Variants in ACTN2 observed in about 807,000 individuals in gnomAD.
The protein encoded by ACTN2 is alpha-actinin-2.
ACTN2 carries 39 observed loss-of-function variants against 113.8 expected under a neutral mutation model. The ratio of observed to expected loss-of-function variants is 0.34; its 90% CI spans 0.27 to 0.45. ACTN2 has a LOEUF of 0.45. ACTN2 is among the 20% of genes least tolerant of loss of function. The probability of loss-of-function intolerance (pLI) is 1.00; values close to 1 mark genes in which losing one functional copy is unlikely to be tolerated. For synonymous variants in ACTN2, 429 were observed against 444.1 expected, an observed-to-expected ratio of 0.97 and a Z score of 0.43; for missense variants, 992 against 1,177.9, an observed-to-expected ratio of 0.84 and a Z score of 2.31.
intron 4 of ACTN2, among the ~76,000 whole-genome samples, chr1:236,721,414 C>A (rs1010289203): frequency 3.3e-5 from 5 of 152,078 alleles, no homozygotes; most frequent in African/African-American, 4.8e-5. Context: ...GCAGTACTTG[C>A]CCTTATGGAC....
intron 7 of ACTN2, chr1:236,734,544 G>T (rs1219401852): frequency 6.8e-7 from 1 of 1,472,924 alleles, no homozygotes; most frequent in Admixed American, 2.0e-5. Flanking sequence ...ATGAGTCACT[G>T]CTCACCCTTC....
chr1:236,734,336 G>C (rs1467173182), intron 7 of ACTN2: 10 of 810,630 alleles, frequency 1.2e-5, no homozygotes, highest in Non-Finnish European at 1.9e-5. Context: ...GGGGCGAAGG[G>C]GGAGGATTCC....
At chr1:236,737,297 G>GTATATATATATATATATATATAT in intron 9 of ACTN2, 83 bp downstream of exon 9, 1 of 318,472 alleles carries the variant, frequency 3.1e-6, no homozygotes, top group African/African-American at 2.8e-5. Context: ...CTCCGTGGGG[G>GTATATATATATATATATATATAT]CATATATATA....
At chr1:236,686,864 G>A in intron 1 of ACTN2, 65 bp downstream of exon 1, 2 of 1,301,158 alleles carry the variant, frequency 1.5e-6, no homozygotes, top group Non-Finnish European at 2.0e-6. Context: ...GCTCCCGTGC[G>A]CGTGGCCGCG....
chr1:236,719,048 C>T, intron 3 of ACTN2, 35 bp downstream of exon 3: 1 of 1,612,790 alleles, frequency 6.2e-7, no homozygotes, highest in South Asian at 1.1e-5. Context: ...GTCTGCCACA[C>T]TGACCTAATA....
chr1:236,753,385 A>G (rs1659458539), intron 15 of ACTN2, among the ~76,000 whole-genome samples: 1 of 152,206 alleles, frequency 6.6e-6, no homozygotes, highest in South Asian at 2.1e-4. Context: ...GGCTGAGTGT[A>G]CGTGATATTT....
At chr1:236,705,162 A>C (rs1657787815) in intron 1 of ACTN2, among the ~76,000 whole-genome samples, 1 of 152,214 alleles carries the variant, frequency 6.6e-6, no homozygotes, top group African/African-American at 2.4e-5. Context: ...GTTATGAGCC[A>C]AGAACAATGG....
chr1:236,698,098 A>G (rs372822994), intron 1 of ACTN2, among the ~76,000 whole-genome samples: 7 of 152,026 alleles, frequency 4.6e-5, no homozygotes, highest in African/African-American at 1.7e-4. Context: ...TTTCAAAGGA[A>G]GCAAAAAACT....
At chr1:236,715,268 T>G (rs1175101829) in intron 1 of ACTN2, among the ~76,000 whole-genome samples, 1 of 151,346 alleles carries the variant, frequency 6.6e-6, no homozygotes, top group Non-Finnish European at 1.5e-5. Flanking sequence ...TAACTCGTCA[T>G]TTAACATTAG....
chr1:236,764,409 G>A lies in ACTN2; in HGVS notation c.*1790G>A, dbSNP rs1478078605. On this transcript the variant is annotated 3_prime_UTR_variant, in exon 21 of 21. Coordinates refer to ENST00000366578, the MANE Select transcript of ACTN2 (RefSeq NM_001103.4). Reference sequence around the variant, plus strand: ...TCTGTGGTGTTTTAGGATGGGTGTGGGTAACTCATCTACCTAAACTTTTAA... The same window carrying A: ...TCTGTGGTGTTTTAGGATGGGTGTGAGTAACTCATCTACCTAAACTTTTAA... 6.6e-6 allele frequency: 1 copy of A among 152,062 alleles called. No individual in the cohort carries two copies. 9.4% of individuals were successfully genotyped at this position (152,062 alleles called of 1,614,324 possible).
chr1:236,686,694 C>A lies in ACTN2; in HGVS notation c.21C>A (p.Gly7=). 1 of 1,564,740 alleles carries A rather than the reference C, an allele frequency of 6.4e-7. No homozygotes were observed. The highest frequency in any genetic ancestry group is 2.5e-5 in the East Asian group (1 of 39,242). MNQIEP[G]VQYNYVYDED... is the part of the protein sequence containing the mutation. ...GCGCCATGAACCAGATAGAGCCCGG[C>A]GTGCAGTACAACTACGTGTACGACG... Residue 7 remains glycine (G), a synonymous_variant, in exon 1 of 21, where the codon GGC becomes GGA. Transcript: ENST00000366578.
chr1:236,734,337 G>T, intron 7 of ACTN2: 1 of 815,548 alleles, frequency 1.2e-6, no homozygotes, highest in Non-Finnish European at 1.9e-6. Context: ...GGGCGAAGGG[G>T]GAGGATTCCT....
chr1:236,692,593 C>G (rs925187292), intron 1 of ACTN2, among the ~76,000 whole-genome samples: 3 of 152,098 alleles, frequency 2.0e-5, no homozygotes, highest in Non-Finnish European at 4.4e-5. Flanking sequence ...TGTGTGGGCA[C>G]TAAGAAACCT....
At position 236,762,513 on chromosome 1, in the gene ACTN2, A is replaced by G. The variant is rs766443304; in HGVS notation, c.2579A>G (p.Gln860Arg). The G allele has an allele frequency of 1.9e-6, 3 of 1,614,166 alleles. No homozygotes were observed. The highest frequency in any genetic ancestry group is 2.5e-6 in the Non-Finnish European group (3 of 1,180,014). ...CGGGAGCTGCCCCCGGATCAGGCCC[A>G]GTACTGCATCAAGAGGATGCCCGCC... Reference protein sequence around the residue: ...LRRELPPDQAQYCIKRMPAYS... With the variant: ...LRRELPPDQARYCIKRMPAYS... The change falls in exon 21 of 21, where the codon CAG (glutamine) becomes CGG (arginine). Residue 860 changes from glutamine (Q) to arginine (R), a missense_variant. Transcript: ENST00000366578.
rs147245615 is a variant in ACTN2, at chr1:236,762,535, C to G, written c.2601C>G (p.Pro867=). The change falls in exon 21 of 21, where the codon CCC becomes CCG. Residue 867 remains proline (P), a synonymous_variant. Transcript: ENST00000366578. The part of the protein sequence containing the change: ...DQAQYCIKRM[P]AYSGPGSVPG... The stretch of plus-strand genomic sequence containing the variant: ...CCCAGTACTGCATCAAGAGGATGCC[C>G]GCCTACTCGGGCCCAGGCAGTGTGC... 1.2e-6 allele frequency: 2 copies of G among 1,614,020 alleles called. No individual in the cohort carries two copies. Among genetic ancestry groups the G allele is most frequent in the African/African-American group, 1.3e-5 (1 of 74,902 alleles).
intron 4 of ACTN2, among the ~76,000 whole-genome samples, chr1:236,725,320 T>C (rs1658516173): frequency 6.6e-6 from 1 of 152,148 alleles, no homozygotes; most frequent in South Asian, 2.1e-4. Flanking sequence ...CAATGGGGTA[T>C]ACACAGTTTT....
chr1:236,727,829 G>A, intron 6 of ACTN2, 73 bp downstream of exon 6: 1 of 1,460,844 alleles, frequency 6.8e-7, no homozygotes, highest in Non-Finnish European at 9.6e-7. Context: ...GAGCACATCA[G>A]CACTAGCCTA....
intron 1 of ACTN2, among the ~76,000 whole-genome samples, chr1:236,712,610 G>A (rs900272173): frequency 6.6e-6 from 1 of 152,152 alleles, no homozygotes; most frequent in East Asian, 1.9e-4. Context: ...AGTGAGCCAT[G>A]ATAGCACCAC....
chr1:236,718,693 C>T, intron 2 of ACTN2, among the ~76,000 whole-genome samples: 1 of 152,182 alleles, frequency 6.6e-6, no homozygotes, highest in East Asian at 1.9e-4. Flanking sequence ...TAGTATGGCT[C>T]CCTGCTGGTC....
Sources: gnomAD v4.1 joint callset for allele counts (sites outside exome capture counted in the v4.1 genomes callset) on GRCh38, gnomAD v4.1.1 for gene constraint, MANE v1.5 for transcripts, NCBI Gene and HGNC (gene_info 2026-07-23, HGNC 2026-07-21) for gene names.